Variants in DDX46 observed in about 807,000 individuals in gnomAD.
DDX46 encodes the protein DEAD-box helicase 46.
A neutral mutation model predicts 134.9 loss-of-function variants in DDX46; 30 were observed. The ratio of observed to expected loss-of-function variants is 0.22; its 90% confidence interval spans 0.17 to 0.30. The LOEUF (loss-of-function observed/expected upper bound fraction) is 0.30, where lower values mean the gene tolerates loss of function less well. DDX46 is among the 10% of genes least tolerant of loss of function. The pLI is 1.00. For synonymous variants in DDX46, 415 were observed against 404.1 expected (o/e 1.03, Z -0.32); for missense variants, 622 against 1,248.7 (o/e 0.50, Z 7.56).
intron 21 of DDX46, among the ~76,000 whole-genome samples, chr5:134,824,828 C>T (rs1755547325): frequency 6.6e-6 from 1 of 152,198 alleles, no homozygotes; most frequent in Non-Finnish European, 1.5e-5. Context: ...GCCTGGCTGG[C>T]TCCTTGGAGG....
At chr5:134,791,509 T>C (rs1754502525) in intron 13 of DDX46, among the ~76,000 whole-genome samples, 1 of 150,564 alleles carries the variant, frequency 6.6e-6, no homozygotes, top group Non-Finnish European at 1.5e-5. Context: ...TGCAGTGAGC[T>C]GAGATCACGC....
chr5:134,817,441 C>T, intron 19 of DDX46, 55 bp from the exon 20 acceptor site: 7 of 1,541,506 alleles, frequency 4.5e-6, no homozygotes, highest in Non-Finnish European at 6.2e-6. Flanking sequence ...TGGTGTGGTC[C>T]CTACTCTTGT....
At chr5:134,827,079 T>C (rs1263222634) in intron 22 of DDX46, 59 bp downstream of exon 22, 1 of 1,496,568 alleles carries the variant, frequency 6.7e-7, no homozygotes, top group Admixed American at 2.0e-5. Flanking sequence ...TATTGAAATA[T>C]AAATACAGAG....
intron 15 of DDX46, among the ~76,000 whole-genome samples, chr5:134,802,809 T>A (rs1754872654): frequency 6.6e-6 from 1 of 152,112 alleles, no homozygotes; most frequent in Non-Finnish European, 1.5e-5. Context: ...GTAATTTCTG[T>A]TTGCATACTG....
At chr5:134,772,506 G>A (rs978479245) in intron 4 of DDX46, among the ~76,000 whole-genome samples, 3 of 151,934 alleles carry the variant, frequency 2.0e-5, no homozygotes, top group Admixed American at 6.6e-5. Flanking sequence ...TGGTGACTGC[G>A]AGACTCTGTC....
chr5:134,801,586 A>G (rs1459671005), intron 15 of DDX46, among the ~76,000 whole-genome samples: 3 of 151,978 alleles, frequency 2.0e-5, no homozygotes, highest in Admixed American at 2.0e-4. Context: ...TTTTTTGTGG[A>G]GATGAGGTTT....
intron 8 of DDX46, among the ~76,000 whole-genome samples, chr5:134,782,664 C>T (rs1162349675): frequency 1.3e-5 from 2 of 151,896 alleles, no homozygotes; most frequent in Non-Finnish European, 2.9e-5. Flanking sequence ...TGTCAGCCTC[C>T]CGAGTAGCTG....
At position 134,794,631 on chromosome 5, in the gene DDX46, G is replaced by A. The variant is rs1293981795; in HGVS notation, c.1627-219G>A. 2.0e-5 allele frequency among the ~76,000 whole-genome samples: 3 copies of A among 152,124 alleles called. No individual in the cohort carries two copies. The East Asian group carries it at 5.8e-4, about 29-fold the overall frequency. On this transcript the variant is annotated intron_variant, in intron 13 of 22. Coordinates refer to ENST00000452510, the MANE Select transcript of DDX46 (RefSeq NM_001300860.2). ...AAGATAGACCACTATATTTGTTGAT[G>A]GATTGGTTGTAAGATGAGTGACAGA...
At chr5:134,821,897 T>G (rs1434999156) in intron 21 of DDX46, among the ~76,000 whole-genome samples, 7 of 135,916 alleles carry the variant, frequency 5.2e-5, no homozygotes, top group Non-Finnish European at 7.9e-5. Flanking sequence ...TTTTTTTTTG[T>G]TTTTTTTTTT....
At chr5:134,794,264 G>A (rs78126433) in intron 13 of DDX46, among the ~76,000 whole-genome samples, 1,708 of 152,268 alleles carry the variant, frequency 0.011, 33 homozygotes, top group African/African-American at 0.039. Context: ...GTATGTGGGG[G>A]ATGGTTAACT....
At position 134,830,215 on chromosome 5, in the gene DDX46, A is replaced by G. The variant is rs1329814037; in HGVS notation, c.*1509A>G. 6.6e-6 allele frequency: 1 copy of G among 151,976 alleles called. No individual in the cohort carries two copies. The highest frequency in any genetic ancestry group is 1.5e-5 in the Non-Finnish European group (1 of 67,974). 9.4% of individuals were successfully genotyped at this position (151,976 alleles called of 1,614,324 possible). The stretch of plus-strand genomic sequence containing the variant: ...AAAGAATGTAAAATTTTAAAAATAC[A>G]GTTTAACAGCTGTAAAAGTTTTACT... On this transcript the variant is annotated 3_prime_UTR_variant, in exon 23 of 23. Coordinates refer to ENST00000452510, the MANE Select transcript of DDX46 (RefSeq NM_001300860.2).
intron 6 of DDX46, 95 bp from the exon 7 acceptor site, chr5:134,781,038 T>G (rs1754137054): frequency 3.4e-6 from 3 of 878,524 alleles, no homozygotes; most frequent in Non-Finnish European, 5.0e-6. Flanking sequence ...GAAAAAAAAC[T>G]AAAGATGAAA....
intron 21 of DDX46, among the ~76,000 whole-genome samples, chr5:134,821,352 T>G (rs1030848392): frequency 4.6e-5 from 7 of 151,650 alleles, no homozygotes; most frequent in African/African-American, 1.7e-4. Context: ...AATTTTTGTA[T>G]TTTTAGTAGG....
rs1754646035 is a variant in DDX46, at chr5:134,796,065, T to G, written c.1869T>G (p.Ile623Met). Residue 623 changes from isoleucine (I) to methionine (M), a missense_variant, in exon 15 of 23, where the codon ATT (isoleucine) becomes ATG (methionine). Coordinates refer to ENST00000452510, the MANE Select transcript of DDX46 (RefSeq NM_001300860.2). ...LGHYQESGSVIIFVDKQEHAD... is the reference protein window; with the variant it reads ...LGHYQESGSVMIFVDKQEHAD... The stretch of plus-strand genomic sequence containing the variant: ...ATTATCAAGAGTCAGGATCTGTCAT[T>G]ATATTTGTGGATAAGCAGGAACATG... 2 of 1,613,816 alleles carry G rather than the reference T, an allele frequency of 1.2e-6. No homozygotes were observed. The highest frequency in any genetic ancestry group is 2.7e-5 in the African/African-American group (2 of 74,924).
chr5:134,785,949 A>G (rs1754320292), intron 11 of DDX46, among the ~76,000 whole-genome samples: 1 of 151,892 alleles, frequency 6.6e-6, no homozygotes, highest in South Asian at 2.1e-4. Flanking sequence ...CCCTGGTTCA[A>G]GCGATTCTCC....
At chr5:134,821,529 G>GTTTTTTTTTTTTT (rs199657679) in intron 21 of DDX46, among the ~76,000 whole-genome samples, 2 of 143,392 alleles carry the variant, frequency 1.4e-5, no homozygotes, top group African/African-American at 5.4e-5. Flanking sequence ...TTGTTTCTGG[G>GTTTTTTTTTTTTT]TTTTTTGTTT....
chr5:134,802,184 G>C (rs1474361052), intron 15 of DDX46, among the ~76,000 whole-genome samples: 1 of 65,236 alleles, frequency 1.5e-5, no homozygotes, highest in African/African-American at 6.6e-5. Flanking sequence ...TTTTTTTTGA[G>C]ATGGAGTTTT....
At chr5:134,802,688 A>G (rs1326406536) in intron 15 of DDX46, among the ~76,000 whole-genome samples, 2 of 152,052 alleles carry the variant, frequency 1.3e-5, no homozygotes, top group Admixed American at 1.3e-4. Flanking sequence ...TAATTATTAT[A>G]TGTGCTTTGA....
intron 15 of DDX46, among the ~76,000 whole-genome samples, chr5:134,801,050 G>A (rs1370118417): frequency 2.0e-5 from 3 of 152,132 alleles, no homozygotes; most frequent in African/African-American, 7.2e-5. Context: ...TTGGGAGGCC[G>A]AGTTGGGCAG....
Sources: gnomAD v4.1 joint callset for allele counts (sites outside exome capture counted in the v4.1 genomes callset) on GRCh38, gnomAD v4.1.1 for gene constraint, MANE v1.5 for transcripts, NCBI Gene and HGNC (gene_info 2026-07-23, HGNC 2026-07-21) for gene names.